Variants in MID2 observed in about 807,000 individuals in gnomAD.
MID2 encodes probable E3 ubiquitin-protein ligase MID2.
Under a neutral mutation model 46.1 loss-of-function variants are expected in MID2, and 13 were observed. The observed-to-expected ratio is 0.28, with a 90% CI of 0.18 to 0.45. The LOEUF is 0.45. MID2 is among the 20% of genes least tolerant of loss of function. The probability of loss-of-function intolerance (pLI) is 1.00; values close to 1 mark genes in which losing one functional copy is unlikely to be tolerated. For missense variants in MID2, 431 were observed against 575.4 expected (o/e 0.75, Z 2.57); for synonymous variants, 199 against 212.3 (o/e 0.94, Z 0.55).
At chrX:107,917,405 T>C (rs1932988909) in intron 6 of MID2, 101 bp from the exon 7 acceptor site, 3 of 657,696 alleles carry the variant, frequency 4.6e-6, no homozygotes, top group South Asian at 2.8e-5. Flanking sequence ...ATTAAGAAAA[T>C]CTCTTCAAGA....
In MID2 at chrX:107,845,525, A is replaced by ACTCTCTCTCTCTCT. The variant is rs766707051; in HGVS notation, c.720+4160_720+4173dup. 7.7e-3 allele frequency among the ~76,000 whole-genome samples: 559 copies of ACTCTCTCTCTCTCT among 72,922 alleles called. 13 individuals carry two copies. The highest frequency in any genetic ancestry group is 0.039 in the African/African-American group (514 of 13,195). The allele number at this position is 72,922 out of a possible 115,157, so 63.3% of individuals were successfully genotyped here. The stretch of plus-strand genomic sequence containing the variant: ...CACACACACACACACACACACACAC[A>ACTCTCTCTCTCTCT]CTCTCTCTCTCTCTCTCTCTCTCTC... On this transcript the variant is annotated intron_variant, in intron 2 of 9. Coordinates refer to ENST00000262843, the MANE Select transcript of MID2 (RefSeq NM_012216.4).
intron 4 of MID2, among the ~76,000 whole-genome samples, chrX:107,904,698 C>T (rs985940658): frequency 4.5e-5 from 5 of 111,725 alleles, no homozygotes; most frequent in Admixed American, 2.8e-4. Context: ...ATATAAAAGA[C>T]GAATGAGAGA....
intron 3 of MID2, chrX:107,895,639 G>A (rs1314163926): frequency 6.2e-5 from 7 of 112,145 alleles, no homozygotes; most frequent in Admixed American, 2.8e-4. Flanking sequence ...ATGACCATTC[G>A]TGTAAGGTTT....
intron 4 of MID2, among the ~76,000 whole-genome samples, chrX:107,904,998 G>A (rs1932824450): frequency 1.8e-5 from 2 of 111,741 alleles, no homozygotes; most frequent in African/African-American, 6.5e-5. Flanking sequence ...AAGACACTTA[G>A]AGAAATATGT....
intron 2 of MID2, among the ~76,000 whole-genome samples, chrX:107,849,682 A>G (rs772771640): frequency 3.6e-5 from 4 of 112,301 alleles, no homozygotes; most frequent in Non-Finnish European, 7.5e-5. Context: ...TAGACTGCCA[A>G]TTTAGCTAAC....
chrX:107,842,685 A>G (rs1353086112), intron 2 of MID2, among the ~76,000 whole-genome samples: 1 of 112,301 alleles, frequency 8.9e-6, no homozygotes, highest in East Asian at 2.8e-4. Context: ...TTTATACCTG[A>G]TATGTATAAA....
intron 3 of MID2, among the ~76,000 whole-genome samples, chrX:107,888,941 G>A (rs917876832): frequency 2.7e-5 from 3 of 111,162 alleles, no homozygotes; most frequent in South Asian, 3.8e-4. Flanking sequence ...TAGGATTGCA[G>A]ACCCTGCCTT....
intron 2 of MID2, among the ~76,000 whole-genome samples, chrX:107,847,389 A>G (rs1258296143): frequency 2.7e-5 from 3 of 111,725 alleles, no homozygotes; most frequent in Non-Finnish European, 5.6e-5. Context: ...GGGAAAGGAT[A>G]TCATTGAGTT....
Position 107,841,175 on chromosome X carries a change from C to T in MID2, c.510C>T (p.His170=), listed in dbSNP as rs1931337138. 3.3e-6 allele frequency: 4 copies of T among 1,211,566 alleles called. No homozygotes were observed. Among genetic ancestry groups the T allele is most frequent in the Non-Finnish European group, 3.4e-6 (3 of 895,400 alleles). ...GTGACCGTTGCCTGCGGGCCACGCA[C>T]CCCAACAAGAAACCTTTCACCAGCC... ...SYCDRCLRAT[H]PNKKPFTSHR... is the part of the protein sequence containing the mutation. Residue 170 remains histidine (H), a synonymous_variant, in exon 2 of 10, where the codon CAC becomes CAT. Transcript: ENST00000262843.
chrX:107,884,962 G>T (rs1794178985), intron 3 of MID2, among the ~76,000 whole-genome samples: 1 of 111,719 alleles, frequency 9.0e-6, no homozygotes, highest in Non-Finnish European at 1.9e-5. Flanking sequence ...CAACTACACA[G>T]CTGTAATAAC....
intron 3 of MID2, among the ~76,000 whole-genome samples, chrX:107,884,316 G>A (rs1031867497): frequency 1.8e-5 from 2 of 112,246 alleles, no homozygotes; most frequent in Admixed American, 1.9e-4. Context: ...GAGTTGGAGA[G>A]GAGTAGGCAT....
intron 2 of MID2, among the ~76,000 whole-genome samples, chrX:107,854,255 A>G (rs1011702332): frequency 8.0e-5 from 9 of 112,210 alleles, no homozygotes; most frequent in African/African-American, 2.9e-4. Context: ...AAAAGAGATA[A>G]TAATATCTGT....
chrX:107,879,544 T>G (rs780508438), intron 3 of MID2, among the ~76,000 whole-genome samples: 1 of 112,038 alleles, frequency 8.9e-6, no homozygotes, highest in Admixed American at 9.4e-5. Context: ...CTAGGTTTTT[T>G]ATGGGCACAG....
chrX:107,926,379 C>A, intron 9 of MID2, 78 bp downstream of exon 9: 1 of 874,811 alleles, frequency 1.1e-6, no homozygotes. Context: ...ATAGCACAAC[C>A]ATAATACCAA....
At chrX:107,843,134 G>A (rs768623762) in intron 2 of MID2, among the ~76,000 whole-genome samples, 4 of 112,148 alleles carry the variant, frequency 3.6e-5, no homozygotes, top group African/African-American at 1.3e-4. Context: ...CAAAAGATAG[G>A]AGCGGGGTTA....
At chrX:107,899,188 C>G (rs1206137664) in intron 3 of MID2, among the ~76,000 whole-genome samples, 1 of 97,819 alleles carries the variant, frequency 1.0e-5, no homozygotes, top group African/African-American at 3.8e-5. Flanking sequence ...CCCCTCCCCC[C>G]CCCCAAAAAT....
At chrX:107,844,737 C>CCTAA (rs113701835) in intron 2 of MID2, among the ~76,000 whole-genome samples, 32,618 of 109,633 alleles carry the variant, frequency 0.3, 6,819 homozygotes, top group African/African-American at 0.75. Flanking sequence ...CAGTGAGCCT[C>CCTAA]CTGTCTGCAA....
At chrX:107,907,150 G>T (rs1240777166) in intron 5 of MID2, among the ~76,000 whole-genome samples, 12 of 111,850 alleles carry the variant, frequency 1.1e-4, no homozygotes, top group Non-Finnish European at 5.6e-5. Flanking sequence ...TATTTGAGTT[G>T]CAGCACCCTA....
chrX:107,924,201 A>T (rs1933125822), intron 7 of MID2, 142 bp from the exon 8 acceptor site: 1 of 536,999 alleles, frequency 1.9e-6, no homozygotes, highest in African/African-American at 2.3e-5. Context: ...GCCCTGGTTC[A>T]TCTCATTACA....
Sources: gnomAD v4.1 joint callset for allele counts (sites outside exome capture counted in the v4.1 genomes callset) on GRCh38, gnomAD v4.1.1 for gene constraint, MANE v1.5 for transcripts, NCBI Gene and HGNC (gene_info 2026-07-23, HGNC 2026-07-21) for gene names.